PTPN21: variants seen among roughly 807,000 people sequenced by gnomAD.
PTPN21 encodes the protein protein tyrosine phosphatase non-receptor type 21, also known as tyrosine-protein phosphatase non-receptor type 21.
PTPN21 carries 77 observed loss-of-function variants against 131.8 expected under a neutral mutation model. That is an observed-to-expected ratio of 0.58 (90% CI 0.49 to 0.71). The LOEUF is 0.71. PTPN21 is among the 30% of genes least tolerant of loss of function. The probability of loss-of-function intolerance (pLI) is 0.00; values close to 1 mark genes in which losing one functional copy is unlikely to be tolerated. For synonymous variants in PTPN21, 715 were observed against 621.3 expected (o/e 1.15, Z -2.24); for missense variants, 1,552 against 1,527.1 (o/e 1.02, Z -0.27).
intron 2 of PTPN21, among the ~76,000 whole-genome samples, chr14:88,545,156 T>G (rs2078758532): frequency 1.3e-5 from 2 of 152,180 alleles, no homozygotes; most frequent in African/African-American, 4.8e-5. Context: ...ATATCTACTT[T>G]TTCAAGGTAA....
intron 4 of PTPN21, among the ~76,000 whole-genome samples, chr14:88,507,089 T>G (rs2078103136): frequency 6.6e-6 from 1 of 152,018 alleles, no homozygotes; most frequent in Non-Finnish European, 1.5e-5. Context: ...AACTTATTCA[T>G]GTAAGCAAAC....
rs747979607 is a variant in PTPN21, at chr14:88,470,032, C to T, written c.2890G>A (p.Glu964Lys). ...SHIKVSVSGI[E>K]WDYIATQGPL... is the part of the protein sequence containing the mutation. ...CCCTGTGTGGCAATATAATCCCATT[C>T]GATTCCACTGACAGAGACCTGGGAT... The change falls in exon 16 of 19, where the codon GAA (glutamate) becomes AAA (lysine). Residue 964 changes from glutamate to lysine, a missense_variant. Physicochemically the swap from Glu to Lys is moderately conservative, Grantham distance 56 (BLOSUM62 1). Coordinates refer to ENST00000556564, the MANE Select transcript of PTPN21 (RefSeq NM_007039.4). The T allele has an allele frequency of 5.0e-6, 8 of 1,613,136 alleles. No homozygotes were observed. The highest frequency in any genetic ancestry group is 4.5e-5 in the East Asian group (2 of 44,872).
At chr14:88,511,246 C>T (rs1595384101) in intron 3 of PTPN21, among the ~76,000 whole-genome samples, 1 of 151,900 alleles carries the variant, frequency 6.6e-6, no homozygotes, top group Non-Finnish European at 1.5e-5. Flanking sequence ...GAAGTATTTA[C>T]TGTAGGAGCA....
intron 3 of PTPN21, among the ~76,000 whole-genome samples, chr14:88,514,691 C>A (rs1440005140): frequency 6.6e-6 from 1 of 151,718 alleles, no homozygotes; most frequent in Admixed American, 6.6e-5. Context: ...CTCGAACTCC[C>A]GACCTTAGGT....
Position 88,478,991 on chromosome 14 carries a change from G to C in PTPN21, c.2440C>G (p.Leu814Val). The C allele has an allele frequency of 6.3e-7, 1 of 1,586,276 alleles. No individual in the cohort carries two copies. The highest frequency in any genetic ancestry group is 1.1e-5 in the South Asian group (1 of 87,944). The change falls in exon 13 of 19, where the codon CTG becomes GTG. Residue 814 changes from leucine (L) to valine (V), a missense_variant. Leu to Val is a conservative substitution (Grantham distance 32). Transcript: ENST00000556564. ...AGGTCCGACACCGGCCTTTTCTTCA[G>C]AGAGTCCCTCCGGGCTCGGTAGCGG... ...SGRYRARRDSLKKRPVSDLLS... is the reference protein window; with the variant it reads ...SGRYRARRDSVKKRPVSDLLS...
At chr14:88,487,974 A>AAAAAC (rs2077762935) in intron 10 of PTPN21, among the ~76,000 whole-genome samples, 1 of 151,514 alleles carries the variant, frequency 6.6e-6, no homozygotes, top group South Asian at 2.1e-4. Flanking sequence ...TCAAAAAAAA[A>AAAAAC]AAAAAAAAAA....
intron 3 of PTPN21, among the ~76,000 whole-genome samples, chr14:88,515,789 G>C (rs534960748): frequency 4.6e-5 from 7 of 152,300 alleles, no homozygotes; most frequent in Admixed American, 1.3e-4. Flanking sequence ...AGCTCCTCCA[G>C]GGTGGGATTA....
intron 11 of PTPN21, 68 bp from the exon 12 acceptor site, chr14:88,485,228 C>A: frequency 1.0e-6 from 1 of 967,430 alleles, no homozygotes; most frequent in Non-Finnish European, 1.5e-6. Flanking sequence ...AAGTTATTAT[C>A]CACTGGATTC....
Position 88,468,297 on chromosome 14 carries a change from G to A in PTPN21, c.3397-32C>T, listed in dbSNP as rs770912884. 19 of 1,568,720 alleles carry A rather than the reference G, an allele frequency of 1.2e-5. No individual in the cohort carries two copies. In the South Asian group the frequency reaches 2.2e-4, roughly 18 times the overall value. On this transcript the variant is annotated intron_variant, in intron 18 of 18. Coordinates refer to ENST00000556564, the MANE Select transcript of PTPN21 (RefSeq NM_007039.4). ...TGAGAGAAACGGTAATGAAGATAAT[G>A]TGTTCCCCTGGGGAGACAGAAAGGA...
intron 2 of PTPN21, among the ~76,000 whole-genome samples, chr14:88,545,572 G>T (rs539815038): frequency 6.6e-6 from 1 of 152,192 alleles, no homozygotes; most frequent in Non-Finnish European, 1.5e-5. Flanking sequence ...TTGAAAAAAT[G>T]TTTTGAAACT....
rs1160440484 is a variant in PTPN21, at chr14:88,537,940, A to T, written c.180+12298T>A. ...GGTATTTGTGTATCTACACTTATGT[A>T]AACATAGGAAAGGTACAGTAAAAAT... On this transcript the variant is annotated intron_variant, in intron 2 of 18. Transcript: ENST00000556564. Among the ~76,000 whole-genome samples the T allele has an allele frequency of 2.0e-5, 3 of 152,338 alleles. No homozygotes were observed. In the East Asian group the frequency reaches 5.8e-4, roughly 29 times the overall value.
At chr14:88,540,764 G>A (rs2139354242) in intron 2 of PTPN21, among the ~76,000 whole-genome samples, 1 of 152,272 alleles carries the variant, frequency 6.6e-6, no homozygotes, top group South Asian at 2.1e-4. Flanking sequence ...CTGGGTTCAA[G>A]TGATCCTCCC....
intron 2 of PTPN21, among the ~76,000 whole-genome samples, chr14:88,519,318 T>G (rs2078353260): frequency 6.6e-6 from 1 of 152,182 alleles, no homozygotes; most frequent in African/African-American, 2.4e-5. Flanking sequence ...CAACAGAACT[T>G]AGTGTGATGA....
chr14:88,468,391 C>G, intron 18 of PTPN21, 126 bp from the exon 19 acceptor site: 1 of 924,266 alleles, frequency 1.1e-6, no homozygotes, highest in Non-Finnish European at 1.6e-6. Context: ...ACCTTAGCGT[C>G]TTCTAGAAAT....
Position 88,550,314 on chromosome 14 carries a change from A to G in PTPN21, c.104T>C (p.Val35Ala). ...GCTCTCCACGGACAGGGTGAACTCC[A>G]CAAACTCGTTATTAAGCAGTTGGAT... Reference protein sequence around the residue: ...ARIQLLNNEFVEFTLSVESTG... With the variant: ...ARIQLLNNEFAEFTLSVESTG... Residue 35 changes from valine to alanine, a missense_variant, in exon 2 of 19, where the codon GTG becomes GCG. This residue lies in a region of PTPN21 where 206 missense variants were observed against 221.6 expected (regional missense o/e 0.93). Transcript: ENST00000556564. 8 of 1,614,172 alleles carry G rather than the reference A, an allele frequency of 5.0e-6. No individual in the cohort carries two copies. The highest frequency in any genetic ancestry group is 6.8e-6 in the Non-Finnish European group (8 of 1,180,008).
intron 3 of PTPN21, among the ~76,000 whole-genome samples, chr14:88,514,453 CTTTGT>C (rs1321638318): frequency 6.7e-6 from 1 of 150,216 alleles, no homozygotes; most frequent in Admixed American, 6.7e-5. Context: ...TGTTCTCCCC[CTTTGT>C]TTTCTTTTTT....
chr14:88,529,623 T>C (rs2078526075), intron 2 of PTPN21, among the ~76,000 whole-genome samples: 1 of 152,040 alleles, frequency 6.6e-6, no homozygotes, highest in Non-Finnish European at 1.5e-5. Flanking sequence ...ACCCAGGAAA[T>C]ACATCACAAA....
rs2077391517 is a variant in PTPN21, at chr14:88,468,017, T to TA, written c.*119dup. Reference sequence around the variant, plus strand: ...GTGCCGCCATTCAGACTGCGCCACTTACGTCCCAGTGCCACGCTGCGTGGA... The same window carrying TA: ...GTGCCGCCATTCAGACTGCGCCACTTAACGTCCCAGTGCCACGCTGCGTGGA... On this transcript the variant is annotated 3_prime_UTR_variant, in exon 19 of 19. Coordinates refer to ENST00000556564, the MANE Select transcript of PTPN21 (RefSeq NM_007039.4). 10 of 1,286,254 alleles carry TA rather than the reference T, an allele frequency of 7.8e-6. No individual in the cohort carries two copies. The highest frequency in any genetic ancestry group is 1.5e-5 in the African/African-American group (1 of 66,664). 79.7% of individuals were successfully genotyped at this position (1,286,254 alleles called of 1,614,324 possible).
At chr14:88,486,945 C>T (rs564198198) in intron 10 of PTPN21, among the ~76,000 whole-genome samples, 2 of 146,260 alleles carry the variant, frequency 1.4e-5, no homozygotes, top group Admixed American at 6.9e-5. Flanking sequence ...CATTGCACTC[C>T]AGCCTGGGCA....
Sources: allele counts gnomAD v4.1 joint callset (sites outside exome capture counted in the v4.1 genomes callset), GRCh38; gene constraint gnomAD v4.1.1; regional missense constraint gnomAD v4.1.1; transcripts MANE v1.5; gene names NCBI Gene and HGNC (gene_info 2026-07-23, HGNC 2026-07-21).